ADAMTSL1: variants seen among roughly 807,000 people sequenced by gnomAD.
ADAMTSL1 encodes ADAMTS like 1.
ADAMTSL1 carries 126 observed loss-of-function variants against 201.8 expected under a neutral mutation model. That is an observed-to-expected ratio of 0.62 (90% CI 0.54 to 0.72). The LOEUF is 0.72. Ranked by LOEUF, ADAMTSL1 falls within the 30% of genes least tolerant of loss-of-function variation. The probability of loss-of-function intolerance (pLI) is 0.00; values close to 1 mark genes in which losing one functional copy is unlikely to be tolerated. For synonymous variants in ADAMTSL1, 1,121 were observed against 903.4 expected (o/e 1.24, Z -4.32); for missense variants, 2,679 against 2,277.8 (o/e 1.18, Z -3.59).
intron 1 of ADAMTSL1, among the ~76,000 whole-genome samples, chr9:18,480,142 C>T (rs1821650603): frequency 6.6e-6 from 1 of 152,154 alleles, no homozygotes; most frequent in South Asian, 2.1e-4. Context: ...TTTTGTAAAA[C>T]TTGAAGGTAC....
intron 14 of ADAMTSL1, among the ~76,000 whole-genome samples, chr9:18,716,561 T>C (rs1015485049): frequency 1.3e-4 from 19 of 144,116 alleles, no homozygotes; most frequent in African/African-American, 3.6e-4. Flanking sequence ...CCAGTTAGAA[T>C]GGCAATCATT....
intron 2 of ADAMTSL1, among the ~76,000 whole-genome samples, chr9:18,444,322 A>G (rs1820107638): frequency 6.6e-6 from 1 of 152,170 alleles, no homozygotes; most frequent in South Asian, 2.1e-4. Context: ...AATGGGTAAT[A>G]TATTCCTTTT....
chr9:18,105,390 A>G (rs548823537), intron 1 of ADAMTSL1, among the ~76,000 whole-genome samples: 25 of 152,300 alleles, frequency 1.6e-4, no homozygotes, highest in African/African-American at 6.0e-4. Context: ...CACTTGCCCA[A>G]CCAACGACCA....
intron 1 of ADAMTSL1, among the ~76,000 whole-genome samples, chr9:17,907,408 G>T (rs1825758446): frequency 6.6e-6 from 1 of 152,174 alleles, no homozygotes; most frequent in African/African-American, 2.4e-5. Flanking sequence ...GTCACCCTAG[G>T]GCCGCCCGCA....
At chr9:18,831,696 T>G in intron 23 of ADAMTSL1, among the ~76,000 whole-genome samples, 1 of 152,220 alleles carries the variant, frequency 6.6e-6, no homozygotes, top group South Asian at 2.1e-4. Flanking sequence ...CCAGTCCACA[T>G]CCAGACTGCT....
intron 1 of ADAMTSL1, among the ~76,000 whole-genome samples, chr9:18,131,753 A>G (rs920673281): frequency 1.3e-5 from 2 of 152,136 alleles, no homozygotes. Context: ...TGACTCCCGA[A>G]TAAAACAGTG....
chr9:18,855,620 T>G (rs963051452), intron 23 of ADAMTSL1, among the ~76,000 whole-genome samples: 1 of 152,194 alleles, frequency 6.6e-6, no homozygotes, highest in Admixed American at 6.5e-5. Flanking sequence ...ATTTTATCTC[T>G]GAAAGGATGT....
At chr9:18,180,527 C>G (rs561278881) in intron 2 of ADAMTSL1, among the ~76,000 whole-genome samples, 1 of 84,662 alleles carries the variant, frequency 1.2e-5, no homozygotes, top group African/African-American at 4.2e-5. Flanking sequence ...AGCGAGACTC[C>G]GTGTCAAAAA....
At chr9:18,838,970 A>G (rs770395718) in intron 23 of ADAMTSL1, among the ~76,000 whole-genome samples, 9 of 150,736 alleles carry the variant, frequency 6.0e-5, no homozygotes, top group Admixed American at 2.0e-4. Flanking sequence ...GTGCTGTTCA[A>G]GTATCTTTCA....
intron 5 of ADAMTSL1, among the ~76,000 whole-genome samples, chr9:18,623,406 C>A (rs1267686337): frequency 3.3e-5 from 5 of 152,128 alleles, no homozygotes; most frequent in Non-Finnish European, 7.3e-5. Context: ...TGCACAGAGT[C>A]ACACAGTTGT....
intron 1 of ADAMTSL1, among the ~76,000 whole-genome samples, chr9:18,116,879 C>T (rs920566693): frequency 6.6e-5 from 10 of 152,168 alleles, no homozygotes; most frequent in Non-Finnish European, 1.3e-4. Context: ...TTCTTGACAT[C>T]TCCACTTATA....
chr9:18,570,310 AC>A (rs1348346310), intron 3 of ADAMTSL1, among the ~76,000 whole-genome samples: 1 of 152,058 alleles, frequency 6.6e-6, no homozygotes, highest in East Asian at 1.9e-4. Flanking sequence ...ATAAACCAAA[AC>A]CTTTGTAGAT....
At position 18,016,824 on chromosome 9, in the gene ADAMTSL1, C is replaced by T. The variant is rs72697457; in HGVS notation, c.87+109902C>T. Among the ~76,000 whole-genome samples, 1,742 of 152,082 alleles carry T rather than the reference C, an allele frequency of 0.011. 95 individuals carry two copies. The East Asian group carries it at 0.18, about 16-fold the overall frequency. On this transcript the variant is annotated intron_variant, in intron 1 of 29. Coordinates refer to the ADAMTSL1 transcript ENST00000680146. Reference sequence around the variant, plus strand: ...CGTTCAGGTGACCAGTATTCTGCGTCATGTTTATGGTCAGTATAATCAAAC... The same window carrying T: ...CGTTCAGGTGACCAGTATTCTGCGTTATGTTTATGGTCAGTATAATCAAAC...
At chr9:18,007,477 C>T (rs532527203) in intron 1 of ADAMTSL1, among the ~76,000 whole-genome samples, 1 of 152,008 alleles carries the variant, frequency 6.6e-6, no homozygotes, top group African/African-American at 2.4e-5. Context: ...TTAGAGTCAT[C>T]TTGGAATAAA....
At chr9:18,098,100 T>C (rs758164874) in intron 1 of ADAMTSL1, among the ~76,000 whole-genome samples, 1 of 152,092 alleles carries the variant, frequency 6.6e-6, no homozygotes, top group Admixed American at 6.5e-5. Flanking sequence ...AATCTCCCAT[T>C]GAATTACATT....
intron 1 of ADAMTSL1, among the ~76,000 whole-genome samples, chr9:18,013,783 C>G (rs1467490068): frequency 2.0e-5 from 3 of 151,968 alleles, no homozygotes; most frequent in South Asian, 2.1e-4. Flanking sequence ...TTAATTGTAA[C>G]TATACAAAGC....
At chr9:18,784,140 T>C (rs779206428) in intron 19 of ADAMTSL1, among the ~76,000 whole-genome samples, 6 of 152,192 alleles carry the variant, frequency 3.9e-5, no homozygotes, top group Non-Finnish European at 7.3e-5. Flanking sequence ...TCTGACCCAC[T>C]TTGTCTGGCT....
rs138342251 is a variant in ADAMTSL1 at position 18,584,649 on chromosome 9, G to T, written c.474+10383G>T. The stretch of plus-strand genomic sequence containing the variant: ...GATAATTAATTTTAGGTGTCAACTT[G>T]ACCAGATTTAGGGATGCCTAGATAG... On this transcript the variant is annotated intron_variant, in intron 4 of 28. Coordinates refer to ENST00000380548, the MANE Select transcript of ADAMTSL1 (RefSeq NM_001040272.6). Among the ~76,000 whole-genome samples the T allele has an allele frequency of 3.5e-3, 529 of 152,248 alleles. 9 individuals carry two copies. Among genetic ancestry groups the T allele is most frequent in the African/African-American group, 0.012 (504 of 41,530 alleles).
chr9:18,005,590 T>G lies in ADAMTSL1; in HGVS notation c.87+98668T>G, dbSNP rs117307169. On this transcript the variant is annotated intron_variant, in intron 1 of 29. Coordinates refer to the ADAMTSL1 transcript ENST00000680146. ...TCTTGGTTTTAAGGAAATAATAACT[T>G]GTTTTATGACTATGACTGTCTACAT... Among the ~76,000 whole-genome samples the G allele has an allele frequency of 9.2e-3, 1,401 of 152,174 alleles. 14 individuals are homozygous for G. The highest frequency in any genetic ancestry group is 0.016 in the Non-Finnish European group (1,068 of 67,960).
Sources: gnomAD v4.1 joint callset for allele counts (sites outside exome capture counted in the v4.1 genomes callset) on GRCh38, gnomAD v4.1.1 for gene constraint, MANE v1.5 for transcripts, NCBI Gene and HGNC (gene_info 2026-07-23, HGNC 2026-07-21) for gene names.